Variants in SELP observed in about 807,000 individuals in gnomAD.
The protein encoded by SELP is selectin P, also known as P-selectin.
In SELP, 92 loss-of-function variants were observed where a neutral mutation model predicts 104.1. The ratio of observed to expected loss-of-function variants is 0.88; its 90% CI spans 0.75 to 1.05. The LOEUF (loss-of-function observed/expected upper bound fraction) is 1.05, where lower values mean the gene tolerates loss of function less well. Ranked by LOEUF, SELP falls within the 50% of genes least tolerant of loss-of-function variation. SELP has a pLI of 0.00. For synonymous variants in SELP, 397 were observed against 364.5 expected, an observed-to-expected ratio of 1.09 and a Z score of -1.01; for missense variants, 1,022 against 1,017.3, an observed-to-expected ratio of 1.00 and a Z score of -0.06.
chr1:169,617,364 T>C lies in SELP; in HGVS notation c.145A>G (p.Lys49Glu). 8.7e-6 allele frequency: 14 copies of C among 1,614,114 alleles called. No individual in the cohort carries two copies. The highest frequency in any genetic ancestry group is 1.1e-5 in the Non-Finnish European group (13 of 1,180,010). ...VAAWTYHYSTKAYSWNISRKY... is the reference protein window; with the variant it reads ...VAAWTYHYSTEAYSWNISRKY... Reference sequence around the variant, plus strand: ...CGGGAAATATTCCATGAGTATGCTTTTGTGCTGTAATGATAAGTCCATGCT... The same window carrying C: ...CGGGAAATATTCCATGAGTATGCTTCTGTGCTGTAATGATAAGTCCATGCT... The change falls in exon 3 of 17, where the codon AAA becomes GAA. Residue 49 changes from lysine to glutamate, a missense_variant. Lys to Glu is a moderately conservative substitution (Grantham distance 56). Coordinates refer to ENST00000263686, the MANE Select transcript of SELP (RefSeq NM_003005.4).
intron 14 of SELP, among the ~76,000 whole-genome samples, chr1:169,593,376 C>T (rs778024232): frequency 6.6e-6 from 1 of 152,142 alleles, no homozygotes; most frequent in African/African-American, 2.4e-5. Flanking sequence ...ACACCCACTA[C>T]CAAGTCTCCC....
chr1:169,591,886 T>C (rs1384589724), intron 14 of SELP, among the ~76,000 whole-genome samples: 3 of 152,198 alleles, frequency 2.0e-5, no homozygotes, highest in Non-Finnish European at 4.4e-5. Flanking sequence ...AGCATTTTCC[T>C]CTTATTTGGC....
At chr1:169,611,445 A>T in intron 7 of SELP, 47 bp downstream of exon 7, 2 of 1,591,918 alleles carry the variant, frequency 1.3e-6, no homozygotes, top group Non-Finnish European at 1.7e-6. Context: ...CTACCATGCC[A>T]TGATTCCTTC....
chr1:169,601,087 A>C (rs1571632810), intron 10 of SELP, among the ~76,000 whole-genome samples: 1 of 152,354 alleles, frequency 6.6e-6, no homozygotes, highest in Non-Finnish European at 1.5e-5. Context: ...AGATTTTTAA[A>C]GGTTTTTTTA....
At chr1:169,603,240 A>G (rs1308591172) in intron 9 of SELP, 29 bp from the exon 10 acceptor site, 2 of 1,589,722 alleles carry the variant, frequency 1.3e-6, no homozygotes, top group Non-Finnish European at 1.7e-6. Flanking sequence ...AGGAGAAAAG[A>G]AGAGATCATT....
intron 1 of SELP, among the ~76,000 whole-genome samples, chr1:169,620,687 C>G (rs946174210): frequency 1.4e-4 from 22 of 151,788 alleles, no homozygotes; most frequent in Admixed American, 2.0e-4. Flanking sequence ...GTGTGTCATG[C>G]CCCAGTGATG....
At chr1:169,603,283 C>T (rs1662007495) in intron 9 of SELP, 72 bp from the exon 10 acceptor site, 6 of 1,326,376 alleles carry the variant, frequency 4.5e-6, no homozygotes, top group Non-Finnish European at 6.3e-6. Flanking sequence ...CTGTAACTCT[C>T]TCTCTCTTTC....
chr1:169,622,900 T>C (rs1426978715), intron 1 of SELP, among the ~76,000 whole-genome samples: 1 of 152,200 alleles, frequency 6.6e-6, no homozygotes, highest in African/African-American at 2.4e-5. Context: ...GTGATGAGGA[T>C]TGCAGATCAT....
chr1:169,629,834 T>C (rs895593259), intron 1 of SELP, among the ~76,000 whole-genome samples: 8 of 152,216 alleles, frequency 5.3e-5, no homozygotes, highest in Non-Finnish European at 5.9e-5. Context: ...ACACAGCCTC[T>C]GTAAACCACG....
At position 169,614,268 on chromosome 1, in the gene SELP, G is replaced by GGC. The variant is rs1487873126; in HGVS notation, c.482-576_482-575insGC. Among the ~76,000 whole-genome samples, 3 of 152,278 alleles carry GGC rather than the reference G, an allele frequency of 2.0e-5. No homozygotes were observed. The East Asian group carries it at 5.8e-4, about 29-fold the overall frequency. ...AATCCTACAGTGGAGAAACAGAGGA[G>GGC]CCAAATGAGATGTTTAAGACGTACT... On this transcript the variant is annotated intron_variant, in intron 3 of 16. Transcript: ENST00000263686.
At chr1:169,618,891 C>T (rs368456807) in intron 2 of SELP, among the ~76,000 whole-genome samples, 14 of 152,102 alleles carry the variant, frequency 9.2e-5, no homozygotes, top group Non-Finnish European at 1.5e-4. Flanking sequence ...AAATTTTGTG[C>T]GTCTGTGTCT....
chr1:169,619,145 GA>G lies in SELP; in HGVS notation c.77del (p.Phe26SerfsTer4). ...VVFGISQLLCFSALISELTNQ... is the reference protein window; with the variant it reads ...VVFGISQLLCXSALISELTNQ... ...AAAGTTTACCAGAGATCAGGGCACT[GA>G]AGCAAAGGAGTTGGGAAATTCCAAA... On this transcript the variant is annotated frameshift_variant, in exon 2 of 17. Transcript: ENST00000263686. LOFTEE classifies it high-confidence loss of function. 1 of 1,613,708 alleles carries G rather than the reference GA, an allele frequency of 6.2e-7. No individual in the cohort carries two copies.
chr1:169,601,843 T>A (rs1015178094), intron 10 of SELP, among the ~76,000 whole-genome samples: 1 of 152,100 alleles, frequency 6.6e-6, no homozygotes, highest in African/African-American at 2.4e-5. Flanking sequence ...GTGGATTGAA[T>A]GTGATGATGC....
In SELP at chr1:169,607,136, T is replaced by C; in HGVS notation, c.1334-2A>G. The C allele has an allele frequency of 6.3e-7, 1 of 1,590,566 alleles. No individual in the cohort carries two copies. Among genetic ancestry groups the C allele is most frequent in the Non-Finnish European group, 8.6e-7 (1 of 1,162,338 alleles). ...CTGGGAGATCCTGGCACTGCAAAGC[T>C]AAGGGATGAGGAAGTAAGGAATAAA... On this transcript the variant is annotated splice_acceptor_variant, in intron 8 of 16. Coordinates refer to ENST00000263686, the MANE Select transcript of SELP (RefSeq NM_003005.4). LOFTEE classifies it high-confidence loss of function.
At chr1:169,618,091 A>G (rs377720838) in intron 2 of SELP, among the ~76,000 whole-genome samples, 3 of 152,128 alleles carry the variant, frequency 2.0e-5, no homozygotes, top group African/African-American at 7.2e-5. Flanking sequence ...GTCTGTTTCT[A>G]TGATACAGTC....
In SELP at chr1:169,612,920, T is replaced by C. The variant is rs748638856; in HGVS notation, c.775+9A>G. 9 of 1,585,674 alleles carry C rather than the reference T, an allele frequency of 5.7e-6. No homozygotes were observed. Among genetic ancestry groups the C allele is most frequent in the South Asian group, 3.4e-5 (3 of 88,552 alleles). On this transcript the variant is annotated intron_variant, in intron 5 of 16. Transcript: ENST00000263686. Reference sequence around the variant, plus strand: ...GTCAGTGAGGATGAAAAGAATAAGGTCTACATACCTAAACACTGTGGAGGC... The same window carrying C: ...GTCAGTGAGGATGAAAAGAATAAGGCCTACATACCTAAACACTGTGGAGGC...
At chr1:169,613,200 A>G in intron 4 of SELP, 86 bp from the exon 5 acceptor site, 1 of 1,241,906 alleles carries the variant, frequency 8.1e-7, no homozygotes, top group Non-Finnish European at 1.1e-6. Flanking sequence ...CTATTTGTGT[A>G]ACCCTCTTAA....
At chr1:169,611,968 C>A (rs1662559343) in intron 6 of SELP, among the ~76,000 whole-genome samples, 1 of 152,146 alleles carries the variant, frequency 6.6e-6, no homozygotes, top group Non-Finnish European at 1.5e-5. Flanking sequence ...AGAGGCCACC[C>A]TTTCTAATCT....
Position 169,593,721 on chromosome 1 carries a change from C to T in SELP, c.2291G>A (p.Gly764Glu). 6 of 1,613,308 alleles carry T rather than the reference C, an allele frequency of 3.7e-6. No homozygotes were observed. Among genetic ancestry groups the T allele is most frequent in the Non-Finnish European group, 5.1e-6 (6 of 1,179,480 alleles). ...CAGGGCTTCCTGGATAGTCAATGGTCCTGCTACAAAACAAACACACACACA... is the reference window on the plus strand; with the variant it reads ...CAGGGCTTCCTGGATAGTCAATGGTTCTGCTACAAAACAAACACACACACA... Reference protein sequence around the residue: ...WSTTVPTCQAGPLTIQEALTY... With the variant: ...WSTTVPTCQAEPLTIQEALTY... The change falls in exon 14 of 17, where the codon GGA becomes GAA. Residue 764 changes from glycine (G) to glutamate (E), a missense_variant. Transcript: ENST00000263686.
Sources: allele counts gnomAD v4.1 joint callset (sites outside exome capture counted in the v4.1 genomes callset), GRCh38; gene constraint gnomAD v4.1.1; transcripts MANE v1.5; gene names NCBI Gene and HGNC (gene_info 2026-07-23, HGNC 2026-07-21).